SHC3: variants seen among roughly 807,000 people sequenced by gnomAD.
SHC3 encodes the protein SHC-transforming protein 3.
In SHC3, 15 loss-of-function variants were observed where a neutral mutation model predicts 60.4. The observed-to-expected ratio is 0.25, with a 90% CI of 0.17 to 0.38. SHC3 has a LOEUF of 0.38. Among genes scored for constraint, SHC3 ranks in the 10% least tolerant of loss-of-function variants. The pLI is 1.00. For synonymous variants in SHC3, 294 were observed against 325.9 expected, an observed-to-expected ratio of 0.90 and a Z score of 1.05; for missense variants, 677 against 786.1, an observed-to-expected ratio of 0.86 and a Z score of 1.66.
chr9:89,104,181 A>AG (rs1286925803), intron 2 of SHC3, among the ~76,000 whole-genome samples: 2 of 152,138 alleles, frequency 1.3e-5, no homozygotes, highest in African/African-American at 4.8e-5. Flanking sequence ...GAAAAAAAAA[A>AG]TAAACAGACT....
chr9:89,051,914 T>G lies in SHC3; in HGVS notation c.962+123A>C, dbSNP rs935277841. On this transcript the variant is annotated intron_variant, in intron 7 of 11. Transcript: ENST00000375835. ...TATCCCAGCACCGACCAGGTGTCTCTGAGCCCAGGAAGCCCTGTGATTAAT... is the reference window on the plus strand; with the variant it reads ...TATCCCAGCACCGACCAGGTGTCTCGGAGCCCAGGAAGCCCTGTGATTAAT... 19 of 1,412,532 alleles carry G rather than the reference T, an allele frequency of 1.3e-5. No individual in the cohort carries two copies. The African/African-American group carries it at 2.1e-4, about 16-fold the overall frequency. The allele number at this position is 1,412,532 out of a possible 1,614,324, so 87.5% of individuals were successfully genotyped here.
At chr9:89,080,974 G>C (rs888580186) in intron 2 of SHC3, among the ~76,000 whole-genome samples, 29 of 151,930 alleles carry the variant, frequency 1.9e-4, no homozygotes, top group African/African-American at 6.5e-4. Context: ...CACCGTATTA[G>C]CCAGGATGGT....
intron 1 of SHC3, among the ~76,000 whole-genome samples, chr9:89,175,170 G>A (rs1268330985): frequency 2.6e-5 from 4 of 151,692 alleles, no homozygotes; most frequent in East Asian, 3.9e-4. Context: ...TTTCTTTTAC[G>A]TCACCAAAAG....
intron 1 of SHC3, among the ~76,000 whole-genome samples, chr9:89,165,543 A>AAG (rs397694173): frequency 6.7e-6 from 1 of 150,374 alleles, no homozygotes; most frequent in Admixed American, 6.6e-5. Flanking sequence ...AAAAAAAAAA[A>AAG]TGGTGAGGGC....
At chr9:89,037,635 T>C (rs570096340) in intron 11 of SHC3, 1 of 670,188 alleles carries the variant, frequency 1.5e-6, no homozygotes, top group South Asian at 1.7e-5. Context: ...AGATAAGCAT[T>C]CAAGATAAAT....
intron 11 of SHC3, among the ~76,000 whole-genome samples, chr9:89,022,868 T>C (rs916005545): frequency 1.3e-5 from 2 of 152,230 alleles, no homozygotes; most frequent in African/African-American, 2.4e-5. Context: ...TACGGTGTAC[T>C]GTCTATTCTG....
intron 4 of SHC3, among the ~76,000 whole-genome samples, chr9:89,074,370 T>A (rs943971843): frequency 6.6e-6 from 1 of 152,134 alleles, no homozygotes; most frequent in Admixed American, 6.5e-5. Flanking sequence ...CACACCCCCC[T>A]GGATACTGCT....
chr9:89,016,978 T>C (rs1050988843), intron 11 of SHC3, among the ~76,000 whole-genome samples: 1 of 152,188 alleles, frequency 6.6e-6, no homozygotes, highest in Non-Finnish European at 1.5e-5. Context: ...AGATTTTTTC[T>C]TTTAAAAAAA....
intron 11 of SHC3, among the ~76,000 whole-genome samples, chr9:89,020,003 C>T (rs1407148357): frequency 6.6e-6 from 1 of 152,122 alleles, no homozygotes; most frequent in East Asian, 1.9e-4. Flanking sequence ...ACTTTGGAGC[C>T]TCTGGAATGG....
At chr9:89,068,208 C>T (rs561282140) in intron 5 of SHC3, among the ~76,000 whole-genome samples, 9 of 152,306 alleles carry the variant, frequency 5.9e-5, no homozygotes, top group Admixed American at 1.3e-4. Flanking sequence ...TCCCCAAGAC[C>T]CCCTGTGCCT....
chr9:89,060,773 G>C lies in SHC3; in HGVS notation c.835+4756C>G, dbSNP rs918418948. ...AAAAAACTTTAGAGTGGAAGAGCGG[G>C]CACAGAGTGACTGATGATTAATTAT... On this transcript the variant is annotated intron_variant, in intron 6 of 11. Transcript: ENST00000375835. Among the ~76,000 whole-genome samples the C allele has an allele frequency of 3.3e-5, 5 of 152,072 alleles. No individual in the cohort carries two copies. In the East Asian group the frequency reaches 9.6e-4, roughly 29 times the overall value.
At chr9:89,142,040 T>C (rs1208571195) in intron 1 of SHC3, among the ~76,000 whole-genome samples, 1 of 152,108 alleles carries the variant, frequency 6.6e-6, no homozygotes, top group Non-Finnish European at 1.5e-5. Context: ...TGTCCCTTCA[T>C]CCTGTACATG....
In SHC3 at chr9:89,112,558, G is replaced by C. The variant is rs1286495893; in HGVS notation, c.543C>G (p.Thr181=). ...AGTCCATTTTCAAGAGGGCTTACCT[G>C]GTAATTTGTGTTCTTGTACTGAAGT... ...SLDFSTRTQI[T]REAISRVCEA... Residue 181 remains threonine (T), a splice_region_variant and synonymous_variant, in exon 2 of 12, where the codon ACC becomes ACG. Transcript: ENST00000375835. The C allele has an allele frequency of 3.1e-6, 5 of 1,606,770 alleles. No individual in the cohort carries two copies. The highest frequency in any genetic ancestry group is 4.2e-6 in the Non-Finnish European group (5 of 1,177,190).
intron 2 of SHC3, among the ~76,000 whole-genome samples, chr9:89,097,106 G>GAAA (rs10523898): frequency 2.5e-5 from 2 of 81,098 alleles, no homozygotes; most frequent in African/African-American, 4.9e-5. Flanking sequence ...TCGCTCTCAT[G>GAAA]AAAAAAAAAA....
rs1042349552 is a variant in SHC3, at chr9:89,037,019, G to A, written c.1656+974C>T. Among the ~76,000 whole-genome samples, 8 of 151,388 alleles carry A rather than the reference G, an allele frequency of 5.3e-5. No individual in the cohort carries two copies. In the East Asian group the frequency reaches 1.4e-3, roughly 26 times the overall value. On this transcript the variant is annotated intron_variant, in intron 11 of 11. Coordinates refer to ENST00000375835, the MANE Select transcript of SHC3 (RefSeq NM_016848.6). ...GGAGATAGGTTACATTCATGAGGAA[G>A]TGGCTGTCTCCGCGGAAGGGAAAGA...
chr9:89,045,893 T>C, intron 8 of SHC3, 60 bp from the exon 9 acceptor site: 1 of 1,554,418 alleles, frequency 6.4e-7, no homozygotes, highest in Non-Finnish European at 8.9e-7. Context: ...TTCACCACTT[T>C]TGAAAGCCAC....
intron 11 of SHC3, among the ~76,000 whole-genome samples, chr9:89,015,277 C>T (rs547026664): frequency 2.2e-4 from 33 of 152,320 alleles, no homozygotes; most frequent in African/African-American, 6.7e-4. Context: ...CATTCCTTAA[C>T]GACTGACACT....
chr9:89,167,899 T>A (rs1826813197), intron 1 of SHC3, among the ~76,000 whole-genome samples: 1 of 152,204 alleles, frequency 6.6e-6, no homozygotes, highest in Non-Finnish European at 1.5e-5. Flanking sequence ...AAAGCATCAA[T>A]GTAAGGTGGC....
chr9:89,118,505 G>T (rs957015946), intron 1 of SHC3, among the ~76,000 whole-genome samples: 2 of 151,924 alleles, frequency 1.3e-5, no homozygotes, highest in Admixed American at 6.6e-5. Context: ...TTAGAGACAG[G>T]GTTGGTCACA....
Sources: gnomAD v4.1 joint callset for allele counts (sites outside exome capture counted in the v4.1 genomes callset) on GRCh38, gnomAD v4.1.1 for gene constraint, MANE v1.5 for transcripts, NCBI Gene and HGNC (gene_info 2026-07-23, HGNC 2026-07-21) for gene names.